Variants in MRPL10 observed in about 807,000 individuals in gnomAD.
MRPL10 encodes mitochondrial ribosomal protein L10.
A neutral mutation model predicts 19.8 loss-of-function variants in MRPL10; 14 were observed. The ratio of observed to expected loss-of-function variants is 0.71; its 90% CI spans 0.47 to 1.11. MRPL10 has a LOEUF of 1.11. MRPL10 is among the 50% of genes least tolerant of loss of function. The pLI is 0.00. For synonymous variants in MRPL10, 129 were observed against 139.2 expected (o/e 0.93, Z 0.52); for missense variants, 318 against 339.6 (o/e 0.94, Z 0.50).
At position 47,831,513 on chromosome 17, in the gene MRPL10, T is replaced by G. The variant is rs1195565394; in HGVS notation, c.-2A>C. 2.6e-6 allele frequency: 4 copies of G among 1,549,856 alleles called. No homozygotes were observed. The highest frequency in any genetic ancestry group is 3.9e-5 in the Admixed American group (2 of 50,880). On this transcript the variant is annotated 5_prime_UTR_variant, in exon 1 of 5. Coordinates refer to ENST00000351111, the MANE Select transcript of MRPL10 (RefSeq NM_145255.4). ...CATCCCCGCCACGGCCGCAGCCATC[T>G]CCACCGGAAGAATGGACGGAAGCCG...
intron 4 of MRPL10, among the ~76,000 whole-genome samples, chr17:47,826,299 C>T (rs148837772): frequency 7.2e-5 from 11 of 152,022 alleles, no homozygotes; most frequent in Admixed American, 2.6e-4. Context: ...CACTGGCCCT[C>T]GGCACCCTTT....
rs2033625238 is a variant in MRPL10 at position 47,831,265 on chromosome 17, G to C, written c.52+195C>G. The C allele has an allele frequency of 4.1e-6, 6 of 1,461,658 alleles. No individual in the cohort carries two copies. The South Asian group carries it at 6.5e-5, about 16-fold the overall frequency. 90.5% of individuals were successfully genotyped at this position (1,461,658 alleles called of 1,614,324 possible). On this transcript the variant is annotated intron_variant, in intron 1 of 4. Coordinates refer to ENST00000351111, the MANE Select transcript of MRPL10 (RefSeq NM_145255.4). The stretch of plus-strand genomic sequence containing the variant: ...TGGGCGAGGAGTGGTCCAGGCAAAA[G>C]AAACGCTGGAGACAGACAACATCTG...
intron 1 of MRPL10, among the ~76,000 whole-genome samples, chr17:47,831,084 T>C (rs2033621278): frequency 6.6e-6 from 1 of 152,242 alleles, no homozygotes; most frequent in Non-Finnish European, 1.5e-5. Context: ...CTGGCTATGC[T>C]GAATGAACAT....
In MRPL10 at chr17:47,824,081, T is replaced by C. The variant is rs150730774; in HGVS notation, c.*124A>G. On this transcript the variant is annotated 3_prime_UTR_variant, in exon 5 of 5. Coordinates refer to ENST00000351111, the MANE Select transcript of MRPL10 (RefSeq NM_145255.4). Reference sequence around the variant, plus strand: ...AGTGGCCCTATACCTGACAATATCATTACTAGTGAAAACCAAGTGACAAAC... The same window carrying C: ...AGTGGCCCTATACCTGACAATATCACTACTAGTGAAAACCAAGTGACAAAC... 5,007 of 1,230,418 alleles carry C rather than the reference T, an allele frequency of 4.1e-3. 7 individuals are homozygous for C. Among genetic ancestry groups the C allele is most frequent in the Middle Eastern group, 6.1e-3 (22 of 3,578 alleles). The allele number at this position is 1,230,418 out of a possible 1,614,324, so 76.2% of individuals were successfully genotyped here.
chr17:47,829,869 C>A (rs1189914252), intron 1 of MRPL10, among the ~76,000 whole-genome samples: 1 of 151,356 alleles, frequency 6.6e-6, no homozygotes, highest in East Asian at 1.9e-4. Context: ...GGCACTCCGG[C>A]CTGGGTGACA....
At position 47,828,613 on chromosome 17, in the gene MRPL10, C is replaced by T. The variant is rs749308547; in HGVS notation, c.110G>A (p.Arg37His). 17 of 1,525,326 alleles carry T rather than the reference C, an allele frequency of 1.1e-5. No homozygotes were observed. Among genetic ancestry groups the T allele is most frequent in the East Asian group, 5.4e-5 (2 of 37,286 alleles). 94.5% of individuals were successfully genotyped at this position (1,525,326 alleles called of 1,614,324 possible). A position where few individuals can be genotyped will look rare whatever the true frequency, so the allele number is the denominator to read the frequency against. Residue 37 changes from arginine to histidine, a missense_variant, in exon 2 of 5, where the codon CGT (arginine) becomes CAT (histidine). Physicochemically the swap from Arg to His is conservative, Grantham distance 29. Coordinates refer to ENST00000351111, the MANE Select transcript of MRPL10 (RefSeq NM_145255.4). ...CTGCCGCTGAAAGTGCATCACACGACGGTGGCGGGTAACAGCCTTGGAGCC... is the reference window on the plus strand; with the variant it reads ...CTGCCGCTGAAAGTGCATCACACGATGGTGGCGGGTAACAGCCTTGGAGCC... ...RYGSKAVTRHRRVMHFQRQKL... is the reference protein window; with the variant it reads ...RYGSKAVTRHHRVMHFQRQKL...
Position 47,827,894 on chromosome 17 carries a change from C to CAAAAAAAAAA in MRPL10, c.222+597_222+606dup, listed in dbSNP as rs60303077. ...CCTGGGTGACAGAGACTCTGTCTCA[C>CAAAAAAAAAA]AAAAAAAAAAAAAAAAAAAAAAAAA... On this transcript the variant is annotated intron_variant, in intron 2 of 4. Coordinates refer to ENST00000351111, the MANE Select transcript of MRPL10 (RefSeq NM_145255.4). Among the ~76,000 whole-genome samples, 2 of 45,716 alleles carry CAAAAAAAAAA rather than the reference C, an allele frequency of 4.4e-5. 1 individual carries two copies. Among genetic ancestry groups the CAAAAAAAAAA allele is most frequent in the African/African-American group, 2.0e-4 (2 of 9,872 alleles). 30.0% of individuals were successfully genotyped at this position (45,716 alleles called of 152,430 possible). A position where few individuals can be genotyped will look rare whatever the true frequency, so the allele number is the denominator to read the frequency against.
At chr17:47,824,882 C>G (rs62076127) in intron 4 of MRPL10, among the ~76,000 whole-genome samples, 1 of 151,038 alleles carries the variant, frequency 6.6e-6, no homozygotes, top group Non-Finnish European at 1.5e-5. Flanking sequence ...GGCATGGTGG[C>G]GAGCGCCTGT....
intron 3 of MRPL10, 98 bp downstream of exon 3, chr17:47,826,942 A>G: frequency 6.9e-7 from 1 of 1,449,398 alleles, no homozygotes; most frequent in African/African-American, 1.4e-5. Flanking sequence ...GGAGAGGAGG[A>G]GTAAGAAGTA....
intron 4 of MRPL10, among the ~76,000 whole-genome samples, chr17:47,826,433 T>C (rs771393835): frequency 2.0e-5 from 3 of 152,174 alleles, no homozygotes; most frequent in Admixed American, 6.5e-5. Flanking sequence ...TAGTCTTCCC[T>C]CCAGTGCAGA....
intron 2 of MRPL10, among the ~76,000 whole-genome samples, chr17:47,827,540 C>T (rs2033553414): frequency 6.6e-6 from 1 of 152,168 alleles, no homozygotes; most frequent in African/African-American, 2.4e-5. Context: ...CAATCTGACA[C>T]TGTACTCATG....
intron 4 of MRPL10, among the ~76,000 whole-genome samples, 174 bp from the exon 5 acceptor site, chr17:47,824,632 C>T (rs1178127985): frequency 6.6e-6 from 1 of 152,192 alleles, no homozygotes; most frequent in Non-Finnish European, 1.5e-5. Context: ...TCGATCCCTA[C>T]TTCTTCACTC....
At chr17:47,824,543 C>T (rs2033499326) in intron 4 of MRPL10, 85 bp from the exon 5 acceptor site, 7 of 1,459,886 alleles carry the variant, frequency 4.8e-6, no homozygotes, top group Non-Finnish European at 5.4e-6. Flanking sequence ...AACTTGCTCT[C>T]CATTGCCCTT....
At chr17:47,826,887 C>T in intron 3 of MRPL10, 106 bp from the exon 4 acceptor site, 1 of 1,512,586 alleles carries the variant, frequency 6.6e-7, no homozygotes, top group Admixed American at 1.8e-5. Context: ...AGGGTCTTCT[C>T]AGCCCCTAAT....
At position 47,824,286 on chromosome 17, in the gene MRPL10, C is replaced by T. The variant is rs780358932; in HGVS notation, c.705G>A (p.Gln235=). The T allele has an allele frequency of 3.1e-6, 5 of 1,614,196 alleles. No homozygotes were observed. Among genetic ancestry groups the T allele is most frequent in the Admixed American group, 3.3e-5 (2 of 60,024 alleles). The part of the protein sequence containing the change: ...QPLQLTTLLD[Q]YIREQREKDS... Reference sequence around the variant, plus strand: ...CCTTCTCGCGTTGCTCTCTGATGTACTGGTCCAACAGGGTGGTCAGCTGGA... The same window carrying T: ...CCTTCTCGCGTTGCTCTCTGATGTATTGGTCCAACAGGGTGGTCAGCTGGA... The change falls in exon 5 of 5, where the codon CAG becomes CAA. Residue 235 remains glutamine (Q), a synonymous_variant. Transcript: ENST00000351111.
At chr17:47,825,580 G>A (rs1171745875) in intron 4 of MRPL10, among the ~76,000 whole-genome samples, 3 of 150,392 alleles carry the variant, frequency 2.0e-5, no homozygotes, top group East Asian at 2.0e-4. Context: ...AGCCATGACC[G>A]GACCACTGCA....
chr17:47,829,643 C>G (rs1036980434), intron 1 of MRPL10: 15 of 152,214 alleles, frequency 9.9e-5, no homozygotes, highest in African/African-American at 3.6e-4. Flanking sequence ...AATCCCAACA[C>G]TTTGGGAGGC....
intron 2 of MRPL10, chr17:47,828,223 G>T: frequency 1.1e-5 from 3 of 268,528 alleles, no homozygotes; most frequent in Non-Finnish European, 2.1e-5. Flanking sequence ...AAAAAAGATT[G>T]GAGAGATACT....
At chr17:47,829,878 C>T (rs1404866955) in intron 1 of MRPL10, among the ~76,000 whole-genome samples, 2 of 145,346 alleles carry the variant, frequency 1.4e-5, no homozygotes, top group Non-Finnish European at 3.0e-5. Context: ...GCCTGGGTGA[C>T]AGAGCAAGAC....
Sources: allele counts gnomAD v4.1 joint callset (sites outside exome capture counted in the v4.1 genomes callset), GRCh38; gene constraint gnomAD v4.1.1; transcripts MANE v1.5; gene names NCBI Gene and HGNC (gene_info 2026-07-23, HGNC 2026-07-21).